The following PKD1L1 variants were observed in gnomAD, a reference collection of about 807,000 sequenced individuals.
PKD1L1 encodes polycystin-1-like protein 1.
Under a neutral mutation model 323.4 loss-of-function variants are expected in PKD1L1, and 236 were observed. The observed-to-expected ratio is 0.73, with a 90% confidence interval of 0.66 to 0.81. The LOEUF (loss-of-function observed/expected upper bound fraction) is 0.81. Among genes scored for constraint, PKD1L1 ranks in the 40% least tolerant of loss-of-function variants. The pLI is 0.00. For synonymous variants in PKD1L1, 1,344 were observed against 1,335.0 expected, an observed-to-expected ratio of 1.01 and a Z score of -0.15; for missense variants, 3,320 against 3,508.0, an observed-to-expected ratio of 0.95 and a Z score of 1.35.
chr7:47,812,373 A>G (rs1319931368), intron 49 of PKD1L1, among the ~76,000 whole-genome samples: 3 of 152,138 alleles, frequency 2.0e-5, no homozygotes, highest in African/African-American at 7.2e-5. Flanking sequence ...CTCTCTCCCC[A>G]GGGACTCTAG....
At position 47,854,999 on chromosome 7, in the gene PKD1L1, T is replaced by C; in HGVS notation, c.4742A>G (p.Asp1581Gly). 6.2e-7 allele frequency: 1 copy of C among 1,613,902 alleles called. No individual in the cohort carries two copies. Among genetic ancestry groups the C allele is most frequent in the Non-Finnish European group, 8.5e-7 (1 of 1,179,992 alleles). The change falls in exon 30 of 57, where the codon GAT becomes GGT. Residue 1581 changes from aspartate (D) to glycine (G), a missense_variant. By Grantham distance (94) the Asp-to-Gly change is moderately conservative. Transcript: ENST00000289672. ...RNKTTFVLLR[D>G]KVNLHQFTEL... ...AGTGAACTGATGGAGATTCACTTTA[T>C]CCCGAAGTAATACAAATGTCGTTTT...
At position 47,808,395 on chromosome 7, in the gene PKD1L1, A is replaced by C; in HGVS notation, c.7687-8T>G. 6.2e-7 allele frequency: 1 copy of C among 1,613,910 alleles called. No homozygotes were observed. Among genetic ancestry groups the C allele is most frequent in the Non-Finnish European group, 8.5e-7 (1 of 1,179,978 alleles). The stretch of plus-strand genomic sequence containing the variant: ...CACTCCAACCACGGAGAGCTGGAAC[A>C]TCCAAGAGAAAGGCCCTCAGATGGC... On this transcript the variant is annotated splice_region_variant and splice_polypyrimidine_tract_variant and intron_variant, in intron 51 of 56. Coordinates refer to ENST00000289672, the MANE Select transcript of PKD1L1 (RefSeq NM_138295.5).
chr7:47,827,619 T>C (rs184812223), intron 44 of PKD1L1, 151 bp from the exon 45 acceptor site: 192 of 620,202 alleles, frequency 3.1e-4, no homozygotes, highest in Non-Finnish European at 4.7e-4. Context: ...ATGGATAACA[T>C]AGACCAGGTT....
rs1286959554 is a variant in PKD1L1 at position 47,867,885 on chromosome 7, CAG to C, written c.3897-1273_3897-1272del. 3.3e-5 allele frequency among the ~76,000 whole-genome samples: 5 copies of C among 151,808 alleles called. No homozygotes were observed. In the East Asian group the frequency reaches 9.6e-4, roughly 29 times the overall value. ...AAGAAAGAATCTAGAAACTTGAAGA[CAG>C]AGTAATAGAGATTATAAATAACAGG... On this transcript the variant is annotated intron_variant, in intron 24 of 56. Transcript: ENST00000289672.
intron 15 of PKD1L1, among the ~76,000 whole-genome samples, chr7:47,891,416 C>T (rs1023582411): frequency 6.6e-6 from 1 of 152,226 alleles, no homozygotes; most frequent in African/African-American, 2.4e-5. Context: ...CACACTCAAA[C>T]ATATAGTTCC....
chr7:47,800,241 A>G (rs1312913952), intron 54 of PKD1L1, among the ~76,000 whole-genome samples: 1 of 152,198 alleles, frequency 6.6e-6, no homozygotes, highest in Non-Finnish European at 1.5e-5. Flanking sequence ...GCTAGCCTGG[A>G]GAACACGTCC....
At chr7:47,878,461 C>T (rs896191316) in intron 21 of PKD1L1, among the ~76,000 whole-genome samples, 2 of 152,188 alleles carry the variant, frequency 1.3e-5, no homozygotes, top group East Asian at 1.9e-4. Flanking sequence ...TCATCCTCAT[C>T]GTAACAGCAG....
rs1435759216 is a variant in PKD1L1, at chr7:47,840,494, A to C, written c.5519T>G (p.Phe1840Cys). 3 of 1,614,154 alleles carry C rather than the reference A, an allele frequency of 1.9e-6. No individual in the cohort carries two copies. Among genetic ancestry groups the C allele is most frequent in the Non-Finnish European group, 2.5e-6 (3 of 1,179,988 alleles). ...KELSCPEKPL[F>C]ERNSRHTFIL... ...AAAGGTGTGTCTGGAATTCCTTTCA[A>C]ACAGGGGCTTCTCTGGACAGGAGAG... The change falls in exon 35 of 57, where the codon TTT becomes TGT. Residue 1840 changes from phenylalanine (F) to cysteine (C), a missense_variant. Coordinates refer to ENST00000289672, the MANE Select transcript of PKD1L1 (RefSeq NM_138295.5). The surrounding 1 kb of genome is among the most constrained non-coding windows in gnomAD (Gnocchi z 4.1).
chr7:47,951,633 G>C (rs372443281), upstream of PKD1L1, among the ~76,000 whole-genome samples: 14 of 152,174 alleles, frequency 9.2e-5, no homozygotes, highest in African/African-American at 3.4e-4. Context: ...ACACAGCACA[G>C]GGTTCCTCCT....
chr7:47,936,426 T>C (rs1034253420), intron 4 of PKD1L1, among the ~76,000 whole-genome samples: 3 of 152,176 alleles, frequency 2.0e-5, no homozygotes, highest in African/African-American at 7.2e-5. Flanking sequence ...AAAGGATGTG[T>C]CTTTTTGTGA....
At chr7:47,793,128 G>A (rs747590708) in intron 55 of PKD1L1, among the ~76,000 whole-genome samples, 10 of 151,394 alleles carry the variant, frequency 6.6e-5, no homozygotes, top group Admixed American at 1.3e-4. Context: ...TCATCCCTTC[G>A]ATTAATAAAT....
intron 5 of PKD1L1, 51 bp from the exon 6 acceptor site, chr7:47,931,372 T>A: frequency 6.3e-7 from 1 of 1,587,158 alleles, no homozygotes; most frequent in Non-Finnish European, 8.6e-7. Context: ...TCGTCTGGCA[T>A]CAGTAGCTGA....
Position 47,830,094 on chromosome 7 carries a change from C to G in PKD1L1, c.6504G>C (p.Leu2168=). 2 of 1,614,160 alleles carry G rather than the reference C, an allele frequency of 1.2e-6. No individual in the cohort carries two copies. The highest frequency in any genetic ancestry group is 1.7e-6 in the Non-Finnish European group (2 of 1,180,042). ...RFGQEQCVQW[L]HLLSLSVVCC... The stretch of plus-strand genomic sequence containing the variant: ...AGACCACGGAGAGGGACAGCAGGTG[C>G]AGCCACTGCACACATTGCTCCTGGC... The change falls in exon 43 of 57, where the codon CTG becomes CTC. Residue 2168 remains leucine, a synonymous_variant. Transcript: ENST00000289672.
intron 38 of PKD1L1, 23 bp downstream of exon 38, chr7:47,835,110 C>G (rs749182390): frequency 1.2e-6 from 2 of 1,600,722 alleles, no homozygotes; most frequent in South Asian, 2.2e-5. Flanking sequence ...GAGAACAGGG[C>G]CATGAGGACA....
Position 47,827,339 on chromosome 7 carries a change from C to G in PKD1L1, c.6854+11G>C. On this transcript the variant is annotated intron_variant, in intron 45 of 56. Coordinates refer to ENST00000289672, the MANE Select transcript of PKD1L1 (RefSeq NM_138295.5). Reference sequence around the variant, plus strand: ...GTGGAGCAAGCCCTCCCGACAGAAGCCGCCACCCACCTCAGGGCAGCCCGT... The same window carrying G: ...GTGGAGCAAGCCCTCCCGACAGAAGGCGCCACCCACCTCAGGGCAGCCCGT... 6.3e-7 allele frequency: 1 copy of G among 1,597,734 alleles called. No individual in the cohort carries two copies. Among genetic ancestry groups the G allele is most frequent in the South Asian group, 1.1e-5 (1 of 88,678 alleles).
At position 47,808,120 on chromosome 7, in the gene PKD1L1, G is replaced by C. The variant is rs1784818552; in HGVS notation, c.7827+127C>G. 2.4e-6 allele frequency: 3 copies of C among 1,230,830 alleles called. No individual in the cohort carries two copies. In the Admixed American group the frequency reaches 6.8e-5, roughly 28 times the overall value. 76.2% of individuals were successfully genotyped at this position (1,230,830 alleles called of 1,614,324 possible). A position where few individuals can be genotyped will look rare whatever the true frequency, so the allele number is the denominator to read the frequency against. On this transcript the variant is annotated intron_variant, in intron 52 of 56. Transcript: ENST00000289672. ...CTGGCCACTCCCATCTGCCAGCTCA[G>C]AGCATCATCTCTCGATATCAAACAA...
chr7:47,938,116 C>T (rs1208425306), intron 3 of PKD1L1, among the ~76,000 whole-genome samples: 1 of 152,134 alleles, frequency 6.6e-6, no homozygotes, highest in Non-Finnish European at 1.5e-5. Context: ...CTTGAGAGAG[C>T]TGTTACCAGA....
At chr7:47,796,661 C>T (rs772655610) in intron 54 of PKD1L1, among the ~76,000 whole-genome samples, 1 of 152,086 alleles carries the variant, frequency 6.6e-6, no homozygotes, top group Non-Finnish European at 1.5e-5. Context: ...TGGTAACAAA[C>T]TCGAATTTTT....
chr7:47,852,090 G>A (rs923571390), intron 31 of PKD1L1, among the ~76,000 whole-genome samples: 1 of 152,218 alleles, frequency 6.6e-6, no homozygotes, highest in Middle Eastern at 3.4e-3. Flanking sequence ...AGATGTTTAA[G>A]TATTCAGGGG....
Sources: gnomAD v4.1 joint callset for allele counts (sites outside exome capture counted in the v4.1 genomes callset) on GRCh38, gnomAD v4.1.1 for gene constraint, Gnocchi (gnomAD v3.1) non-coding constraint, MANE v1.5 for transcripts, NCBI Gene and HGNC (gene_info 2026-07-23, HGNC 2026-07-21) for gene names.